CFAP299: variants seen among roughly 807,000 people sequenced by gnomAD.
The protein encoded by CFAP299 is cilia and flagella associated protein 299.
Under a neutral mutation model 27.0 loss-of-function variants are expected in CFAP299, and 21 were observed. That is an observed-to-expected ratio of 0.78 (90% confidence interval 0.55 to 1.12). CFAP299 has a LOEUF of 1.12. CFAP299 is among the 50% of genes most tolerant of loss of function. The pLI is 0.00. For missense variants in CFAP299, 310 were observed against 276.6 expected (o/e 1.12, Z -0.86); for synonymous variants, 104 against 98.1 (o/e 1.06, Z -0.36).
chr4:80,630,460 A>G (rs1577954216), intron 3 of CFAP299, among the ~76,000 whole-genome samples: 1 of 152,126 alleles, frequency 6.6e-6, no homozygotes, highest in South Asian at 2.1e-4. Context: ...ATATATTTTA[A>G]AAGTTCTGGG....
chr4:80,644,300 G>C (rs577805135), intron 3 of CFAP299, among the ~76,000 whole-genome samples: 2 of 152,102 alleles, frequency 1.3e-5, no homozygotes, highest in African/African-American at 4.8e-5. Context: ...GAAGGGGTGG[G>C]TTATGGAGGG....
At chr4:80,466,760 TC>T (rs925562901) in intron 2 of CFAP299, among the ~76,000 whole-genome samples, 7 of 152,180 alleles carry the variant, frequency 4.6e-5, no homozygotes, top group African/African-American at 1.7e-4. Flanking sequence ...GCCCCTGACT[TC>T]AAGTAATCTT....
chr4:80,872,853 G>A (rs1733173087), intron 4 of CFAP299: 1 of 925,434 alleles, frequency 1.1e-6, no homozygotes, highest in Non-Finnish European at 1.3e-6. Context: ...TTTATTTTTG[G>A]ATATTGATTA....
At chr4:80,800,085 AAT>A (rs890890322) in intron 3 of CFAP299, among the ~76,000 whole-genome samples, 4 of 67,792 alleles carry the variant, frequency 5.9e-5, no homozygotes, top group Non-Finnish European at 9.9e-5. Context: ...ATAAAATATA[AAT>A]ATATATAATA....
chr4:80,919,217 G>C (rs1340589648), intron 4 of CFAP299, among the ~76,000 whole-genome samples: 2 of 152,100 alleles, frequency 1.3e-5, no homozygotes, highest in Admixed American at 1.3e-4. Flanking sequence ...TTACCAAACA[G>C]AATATTCCTA....
intron 3 of CFAP299, among the ~76,000 whole-genome samples, chr4:80,642,430 A>T (rs1019389254): frequency 6.6e-6 from 1 of 152,174 alleles, no homozygotes; most frequent in African/African-American, 2.4e-5. Context: ...TGGGATCCAC[A>T]GTGCTAGAAT....
intron 3 of CFAP299, among the ~76,000 whole-genome samples, chr4:80,696,344 G>A (rs188171215): frequency 6.6e-6 from 1 of 151,084 alleles, no homozygotes; most frequent in Non-Finnish European, 1.5e-5. Context: ...TGCCTTAACT[G>A]TACTAATTTT....
chr4:80,743,005 C>CA (rs1225657800), intron 3 of CFAP299, among the ~76,000 whole-genome samples: 1 of 151,996 alleles, frequency 6.6e-6, no homozygotes, highest in East Asian at 1.9e-4. Flanking sequence ...ACTGTGTATG[C>CA]AAAAAAATTT....
chr4:80,658,216 G>A lies in CFAP299; in HGVS notation c.333+75033G>A, dbSNP rs185074305. Among the ~76,000 whole-genome samples the A allele has an allele frequency of 1.1e-4, 16 of 152,038 alleles. No individual in the cohort carries two copies. In the East Asian group the frequency reaches 2.9e-3, roughly 28 times the overall value. On this transcript the variant is annotated intron_variant, in intron 3 of 5. Transcript: ENST00000358105. ...ACTTCTTCTCTTCCTATTTGAATAC[G>A]CTTTATTTCTTTATCTTGCCTGATT...
intron 2 of CFAP299, among the ~76,000 whole-genome samples, chr4:80,454,088 G>A (rs1729030868): frequency 6.6e-6 from 1 of 152,018 alleles, no homozygotes; most frequent in Admixed American, 6.6e-5. Flanking sequence ...AATGTGAGGT[G>A]ACTGTTAGTG....
At chr4:80,870,351 T>C (rs1223316981) in intron 4 of CFAP299, 1 of 1,214,236 alleles carries the variant, frequency 8.2e-7, no homozygotes, top group Non-Finnish European at 1.0e-6. Flanking sequence ...AGAGACAAGA[T>C]AAGTAAATTC....
chr4:80,387,453 G>T (rs932418208), intron 2 of CFAP299: 48 of 835,550 alleles, frequency 5.7e-5, no homozygotes, highest in Admixed American at 4.0e-4. Context: ...AGGACTACCT[G>T]CTTGGGTTTC....
intron 2 of CFAP299, among the ~76,000 whole-genome samples, chr4:80,450,761 AT>A (rs1255421582): frequency 6.6e-6 from 1 of 152,088 alleles, no homozygotes; most frequent in East Asian, 1.9e-4. Context: ...GTATAATAAA[AT>A]CCTAGTTGTT....
At chr4:80,949,335 A>G (rs1278225593) in intron 5 of CFAP299, among the ~76,000 whole-genome samples, 1 of 152,132 alleles carries the variant, frequency 6.6e-6, no homozygotes, top group Non-Finnish European at 1.5e-5. Context: ...TGCACAGGAG[A>G]GAAATACTTT....
chr4:80,847,114 G>C (rs528780047), intron 3 of CFAP299, among the ~76,000 whole-genome samples: 1 of 152,214 alleles, frequency 6.6e-6, no homozygotes, highest in African/African-American at 2.4e-5. Context: ...AAGATCATAG[G>C]CTTCATGTCC....
chr4:80,665,886 T>TC, intron 3 of CFAP299, among the ~76,000 whole-genome samples: 1 of 152,070 alleles, frequency 6.6e-6, no homozygotes, highest in Non-Finnish European at 1.5e-5. Flanking sequence ...CTCTTCTCTC[T>TC]CCCCCTTGGT....
intron 2 of CFAP299, 131 bp from the exon 3 acceptor site, chr4:80,582,962 T>C (rs1014155895): frequency 1.2e-5 from 6 of 497,208 alleles, no homozygotes; most frequent in African/African-American, 2.0e-5. Context: ...ATCTAGTAGA[T>C]CATGATTTTA....
chr4:80,727,894 A>G (rs1322001937), intron 3 of CFAP299, among the ~76,000 whole-genome samples: 2 of 151,828 alleles, frequency 1.3e-5, no homozygotes, highest in Non-Finnish European at 2.9e-5. Context: ...TCATACTGTT[A>G]TGAAGTAATA....
chr4:80,766,254 A>C (rs1725855884), intron 3 of CFAP299, among the ~76,000 whole-genome samples: 1 of 152,176 alleles, frequency 6.6e-6, no homozygotes, highest in African/African-American at 2.4e-5. Flanking sequence ...TAGAGATCAA[A>C]TACTGTGAGA....
Sources: gnomAD v4.1 joint callset for allele counts (sites outside exome capture counted in the v4.1 genomes callset) on GRCh38, gnomAD v4.1.1 for gene constraint, MANE v1.5 for transcripts, NCBI Gene and HGNC (gene_info 2026-07-23, HGNC 2026-07-21) for gene names.